Variants in DENND11 observed in about 807,000 individuals in gnomAD.
DENND11 encodes DENN domain-containing protein 11.
DENND11 carries 34 observed loss-of-function variants against 49.2 expected under a neutral mutation model. The ratio of observed to expected loss-of-function variants is 0.69; its 90% CI spans 0.53 to 0.92. The LOEUF is 0.92. DENND11 is among the 40% of genes least tolerant of loss of function. The pLI, the probability that DENND11 is intolerant of heterozygous loss-of-function variation, is 0.00. For synonymous variants in DENND11, 238 were observed against 230.3 expected (o/e 1.03, Z -0.30); for missense variants, 475 against 581.6 (o/e 0.82, Z 1.88).
At position 141,701,984 on chromosome 7, in the gene DENND11, G is replaced by A; in HGVS notation, c.170C>T (p.Ala57Val). 1.7e-6 allele frequency: 2 copies of A among 1,156,924 alleles called. No homozygotes were observed. Among genetic ancestry groups the A allele is most frequent in the Non-Finnish European group, 2.1e-6 (2 of 940,326 alleles). 71.7% of individuals were successfully genotyped at this position (1,156,924 alleles called of 1,614,324 possible). Residue 57 changes from alanine to valine, a missense_variant, in exon 1 of 9, where the codon GCC becomes GTC. By Grantham distance (64) the Ala-to-Val change is moderately conservative (BLOSUM62 0). Coordinates refer to ENST00000536163, the MANE Select transcript of DENND11 (RefSeq NM_001080392.2). Reference sequence around the variant, plus strand: ...CCCGGGCTGCAGCAGCACCTCCGGGGCGGCCGGCTCCTCGGGCTCCCGCCT... The same window carrying A: ...CCCGGGCTGCAGCAGCACCTCCGGGACGGCCGGCTCCTCGGGCTCCCGCCT... Reference protein sequence around the residue: ...PRRREPEEPAAPEVLLQPGRL... With the variant: ...PRRREPEEPAVPEVLLQPGRL...
intron 3 of DENND11, among the ~76,000 whole-genome samples, chr7:141,685,035 T>A (rs201292133): frequency 0.083 from 8,758 of 105,674 alleles, 480 homozygotes; most frequent in Non-Finnish European, 0.12. Context: ...AAAAAATATA[T>A]ATATATATAT....
At chr7:141,695,237 G>A (rs1307277402) in intron 1 of DENND11, among the ~76,000 whole-genome samples, 1 of 152,062 alleles carries the variant, frequency 6.6e-6, no homozygotes. Flanking sequence ...AGCAAATGGG[G>A]CAAAATGTCA....
intron 4 of DENND11, among the ~76,000 whole-genome samples, chr7:141,668,562 G>A (rs1470513833): frequency 6.6e-6 from 1 of 152,128 alleles, no homozygotes; most frequent in Non-Finnish European, 1.5e-5. Flanking sequence ...CTCCAGCCTG[G>A]GCAACAATGC....
At chr7:141,685,421 A>G (rs1327997566) in intron 3 of DENND11, 57 bp downstream of exon 3, 4 of 1,594,168 alleles carry the variant, frequency 2.5e-6, no homozygotes, top group East Asian at 4.5e-5. Context: ...GGCTCGTGCC[A>G]TATGCACCAG....
At chr7:141,687,325 T>C (rs555749756) in intron 1 of DENND11, among the ~76,000 whole-genome samples, 1 of 152,312 alleles carries the variant, frequency 6.6e-6, no homozygotes, top group South Asian at 2.1e-4. Flanking sequence ...GATTATTCAG[T>C]TTCTCCTGAG....
intron 2 of DENND11, among the ~76,000 whole-genome samples, 199 bp from the exon 3 acceptor site, chr7:141,685,835 C>T (rs558459340): frequency 6.6e-6 from 1 of 152,318 alleles, no homozygotes; most frequent in Admixed American, 6.5e-5. Context: ...TTGGCTGGAG[C>T]TGGGACTTAG....
chr7:141,693,414 C>T (rs1227376030), intron 1 of DENND11, among the ~76,000 whole-genome samples: 1 of 152,188 alleles, frequency 6.6e-6, no homozygotes, highest in Non-Finnish European at 1.5e-5. Context: ...ATGGCACAAC[C>T]ACTTTGAAAG....
At position 141,657,577 on chromosome 7, in the gene DENND11, A is replaced by C. The variant is rs1797717205; in HGVS notation, c.*5079T>G. 1 of 152,452 alleles carries C rather than the reference A, an allele frequency of 6.6e-6. No individual in the cohort carries two copies. The allele number at this position is 152,452 out of a possible 1,614,324, so 9.4% of individuals were successfully genotyped here. A position where few individuals can be genotyped will look rare whatever the true frequency, so the allele number is the denominator to read the frequency against. On this transcript the variant is annotated 3_prime_UTR_variant, in exon 9 of 9. Coordinates refer to ENST00000536163, the MANE Select transcript of DENND11 (RefSeq NM_001080392.2). Reference sequence around the variant, plus strand: ...ATCCCCACATTCGCTGACTGGCCTTAGAAAGCAAAGTAAATTTATTGTTAG... The same window carrying C: ...ATCCCCACATTCGCTGACTGGCCTTCGAAAGCAAAGTAAATTTATTGTTAG...
At position 141,685,478 on chromosome 7, in the gene DENND11, C is replaced by A; in HGVS notation, c.527G>T (p.Arg176Leu). 1.2e-6 allele frequency: 2 copies of A among 1,613,706 alleles called. No individual in the cohort carries two copies. Among genetic ancestry groups the A allele is most frequent in the Non-Finnish European group, 1.7e-6 (2 of 1,179,844 alleles). ...CTGCACATGTACGGAAGCCACGTAC[C>A]GAACCTGGTTCTCCAAGAAGTGCAT... The part of the protein sequence containing the change: ...RYMHFLENQV[R>L]HQLEMPGHYS... The change falls in exon 3 of 9, where the codon CGG (arginine) becomes CTG (leucine). Residue 176 changes from arginine to leucine, a missense_variant and splice_region_variant. Arg to Leu is a moderately radical substitution (Grantham distance 102). Coordinates refer to ENST00000536163, the MANE Select transcript of DENND11 (RefSeq NM_001080392.2).
At chr7:141,664,321 A>G (rs370171874) in intron 7 of DENND11, 81 bp from the exon 8 acceptor site, 58 of 1,036,666 alleles carry the variant, frequency 5.6e-5, no homozygotes, top group East Asian at 3.7e-4. Flanking sequence ...GGCATCTTCA[A>G]TGGGCCACCA....
chr7:141,666,229 T>G (rs1408691578), intron 5 of DENND11, 58 bp downstream of exon 5: 13 of 1,509,504 alleles, frequency 8.6e-6, no homozygotes, highest in Middle Eastern at 1.8e-4. Context: ...ACAGAAAGAC[T>G]CAAGCAGTTT....
At chr7:141,673,980 A>C (rs1490441435) in intron 4 of DENND11, 87 bp downstream of exon 4, 8 of 1,446,392 alleles carry the variant, frequency 5.5e-6, no homozygotes, top group Admixed American at 2.2e-5. Flanking sequence ...CAAAGACATA[A>C]ATTTTTTATT....
Position 141,658,385 on chromosome 7 carries a change from C to T in DENND11, c.*4271G>A, listed in dbSNP as rs1797732025. The T allele has an allele frequency of 6.6e-6, 1 of 152,160 alleles. No individual in the cohort carries two copies. Among genetic ancestry groups the T allele is most frequent in the Non-Finnish European group, 1.5e-5 (1 of 68,034 alleles). 9.4% of individuals were successfully genotyped at this position (152,160 alleles called of 1,614,324 possible). ...GCCCTTAACTCCTCCTCTCCCCCTA[C>T]CTGAATCACAAAAGGGTTTTCCTGA... On this transcript the variant is annotated 3_prime_UTR_variant, in exon 9 of 9. Coordinates refer to ENST00000536163, the MANE Select transcript of DENND11 (RefSeq NM_001080392.2).
At chr7:141,698,872 G>A (rs935290874) in intron 1 of DENND11, among the ~76,000 whole-genome samples, 1 of 151,138 alleles carries the variant, frequency 6.6e-6, no homozygotes, top group Non-Finnish European at 1.5e-5. Flanking sequence ...TTGGACACAT[G>A]CCAACAGTTA....
At chr7:141,668,465 A>G (rs1797928305) in intron 4 of DENND11, among the ~76,000 whole-genome samples, 1 of 152,216 alleles carries the variant, frequency 6.6e-6, no homozygotes, top group Non-Finnish European at 1.5e-5. Flanking sequence ...GCGTGCCTGT[A>G]ATCCCAGCTA....
intron 4 of DENND11, among the ~76,000 whole-genome samples, chr7:141,673,315 C>A (rs1798011745): frequency 6.6e-6 from 1 of 152,134 alleles, no homozygotes; most frequent in African/African-American, 2.4e-5. Flanking sequence ...AAATAGCTGG[C>A]ACAATGCATA....
At chr7:141,699,032 T>C (rs1000789057) in intron 1 of DENND11, among the ~76,000 whole-genome samples, 9 of 152,084 alleles carry the variant, frequency 5.9e-5, no homozygotes, top group African/African-American at 2.2e-4. Flanking sequence ...CATGGGGAAG[T>C]GGCTAAGCAG....
Position 141,662,481 on chromosome 7 carries a change from C to A in DENND11, c.*175G>T, listed in dbSNP as rs1797814268. On this transcript the variant is annotated 3_prime_UTR_variant, in exon 9 of 9. Coordinates refer to ENST00000536163, the MANE Select transcript of DENND11 (RefSeq NM_001080392.2). ...AGGACACAAAACCAAGGTGATCTCA[C>A]CTTATCTCTAGGGAAAAGGGCAGAA... The A allele has an allele frequency of 2.1e-6, 1 of 474,410 alleles. No homozygotes were observed. The highest frequency in any genetic ancestry group is 2.0e-5 in the African/African-American group (1 of 49,872). The allele number at this position is 474,410 out of a possible 1,614,324, so 29.4% of individuals were successfully genotyped here. A position where few individuals can be genotyped will look rare whatever the true frequency, so the allele number is the denominator to read the frequency against.
At chr7:141,699,711 G>A (rs538553946) in intron 1 of DENND11, among the ~76,000 whole-genome samples, 1 of 152,326 alleles carries the variant, frequency 6.6e-6, no homozygotes, top group East Asian at 1.9e-4. Flanking sequence ...TTACAGTCAA[G>A]TATTTATTGG....
Sources: gnomAD v4.1 joint callset for allele counts (sites outside exome capture counted in the v4.1 genomes callset) on GRCh38, gnomAD v4.1.1 for gene constraint, MANE v1.5 for transcripts, NCBI Gene and HGNC (gene_info 2026-07-23, HGNC 2026-07-21) for gene names.